DNAH9: variants seen among roughly 807,000 people sequenced by gnomAD.
The protein encoded by DNAH9 is dynein axonemal heavy chain 9, also known as DNAH9 variant protein.
Under a neutral mutation model 471.6 loss-of-function variants are expected in DNAH9, and 345 were observed. The ratio of observed to expected loss-of-function variants is 0.73; its 90% CI spans 0.67 to 0.80. The LOEUF is 0.80. Among genes scored for constraint, DNAH9 ranks in the 30% least tolerant of loss-of-function variants. The probability of loss-of-function intolerance (pLI) is 0.00; values close to 1 mark genes in which losing one functional copy is unlikely to be tolerated. For synonymous variants in DNAH9, 2,093 were observed against 2,123.6 expected (o/e 0.99, Z 0.40); for missense variants, 5,407 against 5,609.2 (o/e 0.96, Z 1.15).
intron 1 of DNAH9, 67 bp downstream of exon 1, chr17:11,598,982 GACGGA>G: frequency 9.5e-7 from 1 of 1,056,018 alleles, no homozygotes; most frequent in Non-Finnish European, 1.3e-6. Flanking sequence ...AGCCTTAAGG[GACGGA>G]GGCGGGGCCA....
Position 11,640,295 on chromosome 17 carries a change from G to A in DNAH9, c.1812G>A (p.Met604Ile), listed in dbSNP as rs2073246468. 4.3e-6 allele frequency: 7 copies of A among 1,613,640 alleles called. No homozygotes were observed. The highest frequency in any genetic ancestry group is 5.9e-6 in the Non-Finnish European group (7 of 1,179,788). The change falls in exon 10 of 69, where the codon ATG (methionine) becomes ATA (isoleucine). Residue 604 changes from methionine (M) to isoleucine (I), a missense_variant. Coordinates refer to ENST00000262442, the MANE Select transcript of DNAH9 (RefSeq NM_001372.4). ...ELGFSPVHKN[M>I]PTVAGGLRWA... ...GGTTCTCCCCGGTGCACAAGAACAT[G>A]CCCACCGTGGCTGGCGGCCTCCGCT...
chr17:11,725,563 TCTC>T (rs1443364177), intron 27 of DNAH9, among the ~76,000 whole-genome samples: 1 of 152,162 alleles, frequency 6.6e-6, no homozygotes, highest in African/African-American at 2.4e-5. Flanking sequence ...ATTTTTCCCT[TCTC>T]CTTCAAAGTC....
chr17:11,827,730 G>T (rs907909070), intron 48 of DNAH9, among the ~76,000 whole-genome samples: 5 of 151,680 alleles, frequency 3.3e-5, no homozygotes, highest in South Asian at 2.1e-4. Flanking sequence ...CTCTCACCCA[G>T]GCTGGTGTGC....
At chr17:11,650,270 C>T (rs2150699683) in intron 12 of DNAH9, among the ~76,000 whole-genome samples, 1 of 152,232 alleles carries the variant, frequency 6.6e-6, no homozygotes, top group African/African-American at 2.4e-5. Context: ...TAGGGAGAAC[C>T]TGGGGCCATC....
intron 50 of DNAH9, among the ~76,000 whole-genome samples, chr17:11,866,666 G>T (rs2150982243): frequency 6.6e-6 from 1 of 152,364 alleles, no homozygotes; most frequent in East Asian, 1.9e-4. Context: ...GCTGTGGTGG[G>T]CTCCACCCAG....
chr17:11,930,126 C>T lies in DNAH9; in HGVS notation c.12105+33C>T, dbSNP rs367920831. 7 of 1,564,418 alleles carry T rather than the reference C, an allele frequency of 4.5e-6. No individual in the cohort carries two copies. In the African/African-American group the frequency reaches 8.1e-5, roughly 18 times the overall value. On this transcript the variant is annotated intron_variant, in intron 63 of 68. Coordinates refer to ENST00000262442, the MANE Select transcript of DNAH9 (RefSeq NM_001372.4). ...CCCGGGAGGGAGGCAAAAACAGCAG[C>T]ACACCTCACAGTCAGCTGATGCAAA...
intron 19 of DNAH9, among the ~76,000 whole-genome samples, chr17:11,685,449 A>G (rs2074225106): frequency 6.6e-6 from 1 of 152,164 alleles, no homozygotes; most frequent in Non-Finnish European, 1.5e-5. Flanking sequence ...TATGACAAAA[A>G]CATAATGTAA....
At chr17:11,936,552 T>C (rs1052134600) in intron 65 of DNAH9, among the ~76,000 whole-genome samples, 3 of 152,166 alleles carry the variant, frequency 2.0e-5, no homozygotes, top group Non-Finnish European at 2.9e-5. Flanking sequence ...GGAAAGCACT[T>C]GAGCCTGGGA....
In DNAH9 at chr17:11,932,059, C is replaced by A. The variant is rs567961284; in HGVS notation, c.12151C>A (p.Leu4051Ile). Residue 4051 changes from leucine (L) to isoleucine (I), a missense_variant, in exon 64 of 69, where the codon CTC becomes ATC. Around this residue, in one of 3 missense-constraint regions of DNAH9, gnomAD observed 4,636 missense variants for 4,900.3 expected, o/e 0.95. Transcript: ENST00000262442. This position sits in a 1 kb window ranked among gnomAD's most constrained non-coding sequence, Gnocchi z 4.3. ...CSRETEFKSI[L>I]FALCYFHAVV... The stretch of plus-strand genomic sequence containing the variant: ...TCGGGAGACGGAGTTTAAGAGCATC[C>A]TCTTTGCTCTTTGTTACTTCCATGC... The A allele has an allele frequency of 1.4e-5, 22 of 1,614,048 alleles. No individual in the cohort carries two copies. The highest frequency in any genetic ancestry group is 1.8e-5 in the Non-Finnish European group (21 of 1,180,040).
At chr17:11,738,627 C>T (rs1015058445) in intron 28 of DNAH9, among the ~76,000 whole-genome samples, 18 of 152,136 alleles carry the variant, frequency 1.2e-4, no homozygotes, top group East Asian at 7.7e-4. Context: ...GTGATCTGCC[C>T]GCCTTGGCCT....
At chr17:11,710,431 C>A (rs1271417574) in intron 26 of DNAH9, among the ~76,000 whole-genome samples, 1 of 152,058 alleles carries the variant, frequency 6.6e-6, no homozygotes, top group Non-Finnish European at 1.5e-5. Flanking sequence ...TCAAATCGTT[C>A]GTGAAAAACT....
intron 48 of DNAH9, among the ~76,000 whole-genome samples, chr17:11,829,300 T>C (rs149488341): frequency 6.6e-6 from 1 of 152,294 alleles, no homozygotes; most frequent in Non-Finnish European, 1.5e-5. Flanking sequence ...GTTTTGATGC[T>C]AGTAATCTGG....
chr17:11,745,103 C>T lies in DNAH9; in HGVS notation c.6399+19C>T, dbSNP rs2075500914. On this transcript the variant is annotated intron_variant, in intron 31 of 68. Coordinates refer to ENST00000262442, the MANE Select transcript of DNAH9 (RefSeq NM_001372.4). ...GCTCAAGGTACATGTGGTTTTTCCT[C>T]CCAGGATTTCTCTATCTCTTACTTA... is the stretch of plus-strand genomic sequence containing the variant. 1 of 1,591,624 alleles carries T rather than the reference C, an allele frequency of 6.3e-7. No individual in the cohort carries two copies. The highest frequency in any genetic ancestry group is 1.3e-5 in the African/African-American group (1 of 74,348).
chr17:11,727,883 T>G lies in DNAH9; in HGVS notation c.5775T>G (p.Asn1925Lys). 1 of 1,614,148 alleles carries G rather than the reference T, an allele frequency of 6.2e-7. No individual in the cohort carries two copies. Among genetic ancestry groups the G allele is most frequent in the Non-Finnish European group, 8.5e-7 (1 of 1,180,002 alleles). The change falls in exon 28 of 69, where the codon AAT becomes AAG. Residue 1925 changes from asparagine to lysine, a missense_variant. Around this residue, in one of 3 missense-constraint regions of DNAH9, gnomAD observed 4,636 missense variants for 4,900.3 expected, o/e 0.95. Transcript: ENST00000262442. Reference sequence around the variant, plus strand: ...CCTGGGGCTGCTTTGATGAGTTTAATCGAATCTCCGTGGAGGTCTTGTCAG... The same window carrying G: ...CCTGGGGCTGCTTTGATGAGTTTAAGCGAATCTCCGTGGAGGTCTTGTCAG... Reference protein sequence around the residue: ...TGAWGCFDEFNRISVEVLSVV... With the variant: ...TGAWGCFDEFKRISVEVLSVV...
chr17:11,735,456 G>A (rs1279802213), intron 28 of DNAH9, among the ~76,000 whole-genome samples: 1 of 151,772 alleles, frequency 6.6e-6, no homozygotes, highest in Non-Finnish European at 1.5e-5. Context: ...TCCTTTTTCA[G>A]ATGGAGTCTC....
chr17:11,836,338 G>A (rs1597716010), intron 49 of DNAH9, among the ~76,000 whole-genome samples: 1 of 152,210 alleles, frequency 6.6e-6, no homozygotes, highest in Non-Finnish European at 1.5e-5. Flanking sequence ...ATTATAGATG[G>A]TTATAATAAA....
At chr17:11,598,960 G>T in intron 1 of DNAH9, 45 bp downstream of exon 1, 4 of 1,366,454 alleles carry the variant, frequency 2.9e-6, no homozygotes, top group Non-Finnish European at 3.8e-6. Flanking sequence ...CTGGGTGGGG[G>T]AGGGGAGGAG....
intron 31 of DNAH9, 94 bp from the exon 32 acceptor site, chr17:11,747,462 C>A: frequency 1.1e-6 from 1 of 950,048 alleles, no homozygotes; most frequent in South Asian, 1.4e-5. Flanking sequence ...GACTTCAGGT[C>A]TCACTTCAGA....
chr17:11,735,818 A>T (rs1178625915), intron 28 of DNAH9, among the ~76,000 whole-genome samples: 1 of 152,220 alleles, frequency 6.6e-6, no homozygotes, highest in Non-Finnish European at 1.5e-5. Flanking sequence ...AAGTAAAACA[A>T]ATTGCTCTGA....
Sources: gnomAD v4.1 joint callset for allele counts (sites outside exome capture counted in the v4.1 genomes callset) on GRCh38, gnomAD v4.1.1 for gene constraint, gnomAD v4.1.1 regional missense constraint, Gnocchi (gnomAD v3.1) non-coding constraint, MANE v1.5 for transcripts, NCBI Gene and HGNC (gene_info 2026-07-23, HGNC 2026-07-21) for gene names.